The following ZMIZ1 variants were observed in gnomAD, a reference collection of about 807,000 sequenced individuals.
ZMIZ1 encodes the protein zinc finger MIZ domain-containing protein 1.
Under a neutral mutation model 113.9 loss-of-function variants are expected in ZMIZ1, and 17 were observed. The ratio of observed to expected loss-of-function variants is 0.15; its 90% confidence interval spans 0.10 to 0.22. The LOEUF (loss-of-function observed/expected upper bound fraction) is 0.22. Ranked by LOEUF, ZMIZ1 falls within the 10% of genes least tolerant of loss-of-function variation. ZMIZ1 has a pLI of 1.00. For missense variants in ZMIZ1, 1,059 were observed against 1,477.8 expected, an observed-to-expected ratio of 0.72 and a Z score of 4.65; for synonymous variants, 607 against 603.1, an observed-to-expected ratio of 1.01 and a Z score of -0.09.
intron 2 of ZMIZ1, among the ~76,000 whole-genome samples, chr10:79,136,775 A>G (rs989165193): frequency 6.6e-6 from 1 of 152,264 alleles, no homozygotes; most frequent in African/African-American, 2.4e-5. Flanking sequence ...GCTAAAGGTT[A>G]AATATCACTA....
intron 1 of ZMIZ1, among the ~76,000 whole-genome samples, chr10:79,084,543 A>G (rs1020040568): frequency 2.6e-5 from 4 of 152,060 alleles, no homozygotes; most frequent in Admixed American, 6.5e-5. Context: ...TATTAATTCA[A>G]AGTCACTTCG....
chr10:79,290,853 C>G (rs80309312), intron 9 of ZMIZ1, 106 bp from the exon 10 acceptor site: 68,011 of 1,310,570 alleles, frequency 0.052, 2,121 homozygotes, highest in Non-Finnish European at 0.058. Flanking sequence ...CCCTGTTGTC[C>G]TGCCTCCACT....
rs191737962 is a variant in ZMIZ1, at chr10:79,160,113, G to A, written c.-130-1940G>A. On this transcript the variant is annotated intron_variant, in intron 3 of 24. Transcript: ENST00000334512. ...GTGGGCGGTGGGGAGGCAGGAGGCC[G>A]ACTCCAGTTCTGCCCCAGTCACTGA... is the stretch of plus-strand genomic sequence containing the variant. Among the ~76,000 whole-genome samples the A allele has an allele frequency of 1.7e-3, 259 of 152,348 alleles. 3 individuals are homozygous for A. Among genetic ancestry groups the A allele is most frequent in the African/African-American group, 5.9e-3 (244 of 41,586 alleles).
chr10:79,245,091 C>G (rs1589477048), intron 7 of ZMIZ1, among the ~76,000 whole-genome samples: 1 of 152,180 alleles, frequency 6.6e-6, no homozygotes. Flanking sequence ...CACCAAACGG[C>G]GATGCTTTGG....
intron 5 of ZMIZ1, among the ~76,000 whole-genome samples, chr10:79,203,150 C>G (rs958605803): frequency 2.0e-5 from 3 of 152,144 alleles, no homozygotes; most frequent in Non-Finnish European, 4.4e-5. Flanking sequence ...GAACTCACAG[C>G]CCCCTACCCA....
chr10:79,090,030 G>A (rs1339753951), intron 1 of ZMIZ1, among the ~76,000 whole-genome samples: 1 of 152,190 alleles, frequency 6.6e-6, no homozygotes, highest in African/African-American at 2.4e-5. Context: ...TCTGCAACCA[G>A]GGACAACCCC....
chr10:79,305,938 T>C (rs567682437), intron 21 of ZMIZ1, among the ~76,000 whole-genome samples, 162 bp from the exon 22 acceptor site: 9 of 152,290 alleles, frequency 5.9e-5, no homozygotes, highest in South Asian at 2.1e-4. Flanking sequence ...GTCAAAGATA[T>C]ATAGAGAAAT....
intron 1 of ZMIZ1, among the ~76,000 whole-genome samples, chr10:79,108,540 G>A (rs942326322): frequency 4.6e-5 from 7 of 152,138 alleles, no homozygotes; most frequent in Non-Finnish European, 8.8e-5. Flanking sequence ...GGTGGGATGG[G>A]GAAGAAAGGC....
In ZMIZ1 at chr10:79,100,437, GAAAA is replaced by G. The variant is rs748608550; in HGVS notation, c.-336-18463_-336-18460del. On this transcript the variant is annotated intron_variant, in intron 1 of 24. Transcript: ENST00000334512. ...CCTGGGCAACATAGACACCATCTCTGAAAAAAAAAAAAAAAAAAGAGGGCAGGTG... is the reference window on the plus strand; with the variant it reads ...CCTGGGCAACATAGACACCATCTCTGAAAAAAAAAAAAAAGAGGGCAGGTG... Among the ~76,000 whole-genome samples the G allele has an allele frequency of 4.5e-5, 5 of 110,732 alleles. 1 individual carries two copies. In the South Asian group the frequency reaches 1.6e-3, roughly 35 times the overall value. 72.6% of individuals were successfully genotyped at this position (110,732 alleles called of 152,430 possible).
intron 7 of ZMIZ1, among the ~76,000 whole-genome samples, chr10:79,238,350 A>G (rs1431741553): frequency 6.6e-6 from 1 of 152,184 alleles, no homozygotes; most frequent in African/African-American, 2.4e-5. Context: ...TGGGTCCAGG[A>G]TGAGTGGCCC....
chr10:79,290,841 C>T lies in ZMIZ1; in HGVS notation c.541-118C>T, dbSNP rs191577050. 18 of 1,197,898 alleles carry T rather than the reference C, an allele frequency of 1.5e-5. No homozygotes were observed. The African/African-American group carries it at 2.3e-4, about 15-fold the overall frequency. 74.2% of individuals were successfully genotyped at this position (1,197,898 alleles called of 1,614,324 possible). ...TCATCCACCCTCCATTTTTTTCCTC[C>T]TCCCTGTTGTCCTGCCTCCACTTTG... On this transcript the variant is annotated intron_variant, in intron 9 of 24. Coordinates refer to ENST00000334512, the MANE Select transcript of ZMIZ1 (RefSeq NM_020338.4).
At chr10:79,243,675 C>T (rs1012015725) in intron 7 of ZMIZ1, 22 of 304,024 alleles carry the variant, frequency 7.2e-5, no homozygotes, top group Non-Finnish European at 1.4e-4. Flanking sequence ...GCCGCGGCCG[C>T]CGCCGGCCGG....
intron 1 of ZMIZ1, among the ~76,000 whole-genome samples, chr10:79,090,132 C>A (rs1001177261): frequency 4.6e-5 from 7 of 152,290 alleles, no homozygotes; most frequent in Non-Finnish European, 8.8e-5. Flanking sequence ...TAAGTGGGGA[C>A]CCAGGAGACA....
chr10:79,234,360 T>A (rs7895110), intron 7 of ZMIZ1, among the ~76,000 whole-genome samples: 56,172 of 152,016 alleles, frequency 0.37, 10,612 homozygotes, highest in Non-Finnish European at 0.4. Context: ...GGCTGTTTTA[T>A]GCTTGACTCT....
intron 3 of ZMIZ1, among the ~76,000 whole-genome samples, chr10:79,161,128 C>T (rs977892692): frequency 3.3e-5 from 5 of 152,182 alleles, no homozygotes; most frequent in Admixed American, 6.5e-5. Flanking sequence ...TGGTTGTGTG[C>T]CCACACTCCC....
intron 1 of ZMIZ1, among the ~76,000 whole-genome samples, chr10:79,077,935 A>G (rs1370598971): frequency 6.6e-6 from 1 of 152,186 alleles, no homozygotes; most frequent in African/African-American, 2.4e-5. Context: ...TCGATTGCCC[A>G]GGTCATGTGG....
At chr10:79,237,280 G>T (rs1849629133) in intron 7 of ZMIZ1, among the ~76,000 whole-genome samples, 1 of 152,206 alleles carries the variant, frequency 6.6e-6, no homozygotes, top group Non-Finnish European at 1.5e-5. Context: ...CAGCCACAAG[G>T]ACTTGCATTT....
At chr10:79,223,291 T>C (rs1849062732) in intron 7 of ZMIZ1, among the ~76,000 whole-genome samples, 1 of 152,244 alleles carries the variant, frequency 6.6e-6, no homozygotes, top group Non-Finnish European at 1.5e-5. Flanking sequence ...TGTTACCAGC[T>C]GCCGGTGCCC....
rs541070003 is a variant in ZMIZ1 at position 79,231,265 on chromosome 10, G to A, written c.280+14991G>A. Among the ~76,000 whole-genome samples the A allele has an allele frequency of 7.7e-4, 118 of 152,312 alleles. 2 individuals carry two copies. The South Asian group carries it at 0.024, about 32-fold the overall frequency. On this transcript the variant is annotated intron_variant, in intron 7 of 24. Transcript: ENST00000334512. ...GAGTTATTGTTTTTGTTTTTGTTTTGAAACGGAGTTTCACTCTTGTCATCC... is the reference window on the plus strand; with the variant it reads ...GAGTTATTGTTTTTGTTTTTGTTTTAAAACGGAGTTTCACTCTTGTCATCC...
Sources: gnomAD v4.1 joint callset for allele counts (sites outside exome capture counted in the v4.1 genomes callset) on GRCh38, gnomAD v4.1.1 for gene constraint, MANE v1.5 for transcripts, NCBI Gene and HGNC (gene_info 2026-07-23, HGNC 2026-07-21) for gene names.